ITPKB: variants seen among roughly 807,000 people sequenced by gnomAD.
ITPKB encodes IP3 3-kinase B.
Under a neutral mutation model 69.4 loss-of-function variants are expected in ITPKB, and 13 were observed. The ratio of observed to expected loss-of-function variants is 0.19; its 90% confidence interval spans 0.12 to 0.30. ITPKB has a LOEUF of 0.30. ITPKB is among the 10% of genes least tolerant of loss of function. ITPKB has a pLI of 1.00. For synonymous variants in ITPKB, 584 were observed against 513.7 expected (o/e 1.14, Z -1.85); for missense variants, 1,240 against 1,250.5 (o/e 0.99, Z 0.13).
chr1:226,726,641 A>G (rs1011645744), intron 2 of ITPKB, among the ~76,000 whole-genome samples: 50 of 151,868 alleles, frequency 3.3e-4, no homozygotes, highest in African/African-American at 1.2e-3. Context: ...ACACAACTGC[A>G]CTCCTGCCTG....
At chr1:226,701,603 CAAAAAA>C (rs58756019) in intron 2 of ITPKB, among the ~76,000 whole-genome samples, 22 of 44,870 alleles carry the variant, frequency 4.9e-4, no homozygotes, top group South Asian at 1.6e-3. Context: ...GACTCCGTCT[CAAAAAA>C]AAAAAAAAAA....
At position 226,648,788 on chromosome 1, in the gene ITPKB, A is replaced by G. The variant is rs1288304567; in HGVS notation, c.1933-17T>C. 1.3e-6 allele frequency: 2 copies of G among 1,503,954 alleles called. No homozygotes were observed. The highest frequency in any genetic ancestry group is 1.9e-6 in the Non-Finnish European group (2 of 1,079,318). 93.2% of individuals were successfully genotyped at this position (1,503,954 alleles called of 1,614,324 possible). A position where few individuals can be genotyped will look rare whatever the true frequency, so the allele number is the denominator to read the frequency against. ...TGATTTGCTCTAGAAACAAACAAAC[A>G]AAAAGCTCTACATTAGAAAGACAAC... is the stretch of plus-strand genomic sequence containing the variant. On this transcript the variant is annotated splice_polypyrimidine_tract_variant and intron_variant, in intron 2 of 7. Transcript: ENST00000429204.
At chr1:226,715,217 T>C (rs149903048) in intron 2 of ITPKB, among the ~76,000 whole-genome samples, 2 of 152,366 alleles carry the variant, frequency 1.3e-5, no homozygotes, top group African/African-American at 4.8e-5. Flanking sequence ...TGCTTGTACA[T>C]GTATCCCTAC....
At chr1:226,671,641 AGGGGAAAAGGGAGAACCCCAGGGAGGC>A (rs896242834) in intron 2 of ITPKB, among the ~76,000 whole-genome samples, 3 of 152,204 alleles carry the variant, frequency 2.0e-5, no homozygotes, top group Admixed American at 2.0e-4. Context: ...AAAGCCAGGT[AGGGGAAAAGGGAGAACCCCAGGGAGGC>A]GGGGAGAGGG....
Position 226,736,011 on chromosome 1 carries a change from T to C in ITPKB, c.1448A>G (p.Asp483Gly). 1.2e-6 allele frequency: 2 copies of C among 1,613,816 alleles called. No individual in the cohort carries two copies. Among genetic ancestry groups the C allele is most frequent in the Non-Finnish European group, 1.7e-6 (2 of 1,180,008 alleles). The change falls in exon 2 of 8, where the codon GAC becomes GGC. Residue 483 changes from aspartate (D) to glycine (G), a missense_variant. Physicochemically the swap from Asp to Gly is moderately conservative, Grantham distance 94 (BLOSUM62 -1). Coordinates refer to ENST00000429204, the MANE Select transcript of ITPKB (RefSeq NM_002221.4). ...GRMLEPLPCW[D>G]AAKDLKEPQC... ...AGGTTCTTTCAGATCTTTCGCAGCGTCCCAACAGGGCAAAGGCTCCAGCAT... is the reference window on the plus strand; with the variant it reads ...AGGTTCTTTCAGATCTTTCGCAGCGCCCCAACAGGGCAAAGGCTCCAGCAT...
intron 2 of ITPKB, among the ~76,000 whole-genome samples, chr1:226,660,981 GCAAAACAA>G (rs1244349512): frequency 6.6e-6 from 1 of 152,238 alleles, no homozygotes; most frequent in East Asian, 1.9e-4. Flanking sequence ...TTTGGTAAAT[GCAAAACAA>G]CAAGGCCAAG....
intron 2 of ITPKB, among the ~76,000 whole-genome samples, chr1:226,715,950 A>AC (rs1457027216): frequency 6.6e-6 from 1 of 152,178 alleles, no homozygotes; most frequent in Non-Finnish European, 1.5e-5. Flanking sequence ...AGCTAGGACT[A>AC]CAGGTGCCCG....
At chr1:226,656,600 C>T (rs1275465046) in intron 2 of ITPKB, 1 of 152,272 alleles carries the variant, frequency 6.6e-6, no homozygotes, top group Non-Finnish European at 1.5e-5. Context: ...GTGGTTTCAC[C>T]ACCTTGCAAA....
At chr1:226,646,604 G>C (rs1164325488) in intron 4 of ITPKB, among the ~76,000 whole-genome samples, 3 of 152,228 alleles carry the variant, frequency 2.0e-5, no homozygotes, top group Admixed American at 6.5e-5. Context: ...GGCTCACCTG[G>C]GGCCCTGCGG....
chr1:226,643,634 A>G lies in ITPKB; in HGVS notation c.2247-1509T>C, dbSNP rs75537572. On this transcript the variant is annotated intron_variant, in intron 4 of 7. Transcript: ENST00000429204. ...CTCTTAAAAATGACAGGCTTTAGAA[A>G]CCACTGTATTAATTGAAATTTGCAC... Among the ~76,000 whole-genome samples the G allele has an allele frequency of 5.1e-3, 773 of 152,372 alleles. 5 individuals carry two copies. Among genetic ancestry groups the G allele is most frequent in the Non-Finnish European group, 8.0e-3 (544 of 68,030 alleles).
intron 2 of ITPKB, among the ~76,000 whole-genome samples, chr1:226,654,648 C>T (rs535655618): frequency 6.6e-6 from 1 of 152,294 alleles, no homozygotes; most frequent in South Asian, 2.1e-4. Context: ...TGGAGCTGCC[C>T]CGAGCCAGTG....
intron 2 of ITPKB, among the ~76,000 whole-genome samples, chr1:226,734,470 T>C (rs995473405): frequency 1.3e-5 from 2 of 152,152 alleles, no homozygotes; most frequent in South Asian, 4.1e-4. Flanking sequence ...ATATTCAAGA[T>C]GAAATCGGAA....
At chr1:226,705,302 G>T (rs893467634) in intron 2 of ITPKB, among the ~76,000 whole-genome samples, 2 of 152,060 alleles carry the variant, frequency 1.3e-5, no homozygotes, top group Admixed American at 1.3e-4. Context: ...GGCCAAGGCG[G>T]GCAGGTCACC....
rs897298607 is a variant in ITPKB, at chr1:226,641,059, G to T, written c.2451+862C>A. On this transcript the variant is annotated intron_variant, in intron 5 of 7. Coordinates refer to ENST00000429204, the MANE Select transcript of ITPKB (RefSeq NM_002221.4). This position sits in a 1 kb window ranked among gnomAD's most constrained non-coding sequence, Gnocchi z 4.6. ...CAGGGACTGCCATCTGCTCAAGAGG[G>T]ACAGCTTCTGAGACCCTGAGGGGCC... Among the ~76,000 whole-genome samples, 13 of 152,190 alleles carry T rather than the reference G, an allele frequency of 8.5e-5. No homozygotes were observed. The highest frequency in any genetic ancestry group is 1.5e-4 in the Non-Finnish European group (10 of 68,032).
rs566195089 is a variant in ITPKB at position 226,668,411 on chromosome 1, C to T, written c.1933-19640G>A. 1.7e-3 allele frequency among the ~76,000 whole-genome samples: 257 copies of T among 152,224 alleles called. 2 individuals carry two copies. The highest frequency in any genetic ancestry group is 6.0e-3 in the African/African-American group (249 of 41,542). The stretch of plus-strand genomic sequence containing the variant: ...GGCTCGTCCCCCGAGTCCTGTGGTA[C>T]GATGTGTTCCTAAGCTTGAAGACCA... On this transcript the variant is annotated intron_variant, in intron 2 of 7. Transcript: ENST00000429204.
At chr1:226,666,956 G>C (rs766449538) in intron 2 of ITPKB, among the ~76,000 whole-genome samples, 1 of 152,088 alleles carries the variant, frequency 6.6e-6, no homozygotes, top group Non-Finnish European at 1.5e-5. Flanking sequence ...GGTTGTGTTT[G>C]CCAACACACA....
At chr1:226,650,519 G>A (rs1209457274) in intron 2 of ITPKB, among the ~76,000 whole-genome samples, 1 of 152,250 alleles carries the variant, frequency 6.6e-6, no homozygotes, top group Non-Finnish European at 1.5e-5. Context: ...AACAATCAGG[G>A]CACACAATGC....
At chr1:226,711,407 G>A (rs764644100) in intron 2 of ITPKB, among the ~76,000 whole-genome samples, 51 of 78,358 alleles carry the variant, frequency 6.5e-4, no homozygotes, top group Middle Eastern at 0.014. Context: ...TGTTTTGAAA[G>A]AGAGAGAGAG....
chr1:226,657,588 C>T (rs1302128993), intron 2 of ITPKB, among the ~76,000 whole-genome samples: 5 of 152,106 alleles, frequency 3.3e-5, no homozygotes, highest in South Asian at 2.1e-4. Flanking sequence ...TATTGCCAGC[C>T]GAACTCTGCT....
Sources: allele counts gnomAD v4.1 joint callset (sites outside exome capture counted in the v4.1 genomes callset), GRCh38; gene constraint gnomAD v4.1.1; non-coding constraint Gnocchi (gnomAD v3.1); transcripts MANE v1.5; gene names NCBI Gene and HGNC (gene_info 2026-07-23, HGNC 2026-07-21).